ENTPD1: variants seen among roughly 807,000 people sequenced by gnomAD.
ENTPD1 encodes the protein ectonucleoside triphosphate diphosphohydrolase 1, also known as ATP diphosphohydrolase.
In ENTPD1, 33 loss-of-function variants were observed where a neutral mutation model predicts 57.0. The observed-to-expected ratio is 0.58, with a 90% confidence interval of 0.44 to 0.77. The LOEUF is 0.77. Among genes scored for constraint, ENTPD1 ranks in the 30% least tolerant of loss-of-function variants. The pLI, the probability that ENTPD1 is intolerant of heterozygous loss-of-function variation, is 0.00. For missense variants in ENTPD1, 501 were observed against 603.4 expected (o/e 0.83, Z 1.78); for synonymous variants, 202 against 218.8 (o/e 0.92, Z 0.68).
chr10:95,749,992 G>C (rs2098010042), intron 1 of ENTPD1, among the ~76,000 whole-genome samples: 1 of 152,136 alleles, frequency 6.6e-6, no homozygotes, highest in Non-Finnish European at 1.5e-5. Flanking sequence ...GATGTGGCTT[G>C]GATCAGTGTG....
At chr10:95,858,104 C>T (rs868045222) in intron 7 of ENTPD1, among the ~76,000 whole-genome samples, 1 of 151,346 alleles carries the variant, frequency 6.6e-6, no homozygotes, top group Middle Eastern at 3.2e-3. Flanking sequence ...TTGCAGTGAG[C>T]CGAGATCGCG....
At chr10:95,769,105 A>C (rs1171087012) in intron 1 of ENTPD1, among the ~76,000 whole-genome samples, 1 of 152,242 alleles carries the variant, frequency 6.6e-6, no homozygotes, top group Non-Finnish European at 1.5e-5. Context: ...CCAGGAAAGA[A>C]GGCAAAAGTC....
intron 1 of ENTPD1, among the ~76,000 whole-genome samples, chr10:95,816,205 A>G (rs921318783): frequency 2.0e-5 from 3 of 152,114 alleles, no homozygotes; most frequent in East Asian, 1.9e-4. Flanking sequence ...CCAGCTGCCA[A>G]ATTATCATTT....
At chr10:95,864,659 G>A (rs1183087153) in intron 8 of ENTPD1, 65 bp from the exon 9 acceptor site, 11 of 1,607,146 alleles carry the variant, frequency 6.8e-6, no homozygotes, top group Non-Finnish European at 7.7e-6. Flanking sequence ...GGCTAGTAGA[G>A]AAAAAGAGGG....
Position 95,870,046 on chromosome 10 carries a change from G to C in ENTPD1, c.*3663G>C, listed in dbSNP as rs998621677. On this transcript the variant is annotated 3_prime_UTR_variant, in exon 10 of 10. Coordinates refer to ENST00000371205, the MANE Select transcript of ENTPD1 (RefSeq NM_001776.6). ...TTGGGAGGTAGTTTAAAGAGCTATA[G>C]ATGCTGTAACATTCTTGCTATTATT... is the stretch of plus-strand genomic sequence containing the variant. 1.1e-5 allele frequency: 11 copies of C among 985,392 alleles called. No individual in the cohort carries two copies. 61.0% of individuals were successfully genotyped at this position (985,392 alleles called of 1,614,324 possible). A position where few individuals can be genotyped will look rare whatever the true frequency, so the allele number is the denominator to read the frequency against.
At chr10:95,770,363 G>T (rs1205334077) in intron 1 of ENTPD1, among the ~76,000 whole-genome samples, 1 of 151,906 alleles carries the variant, frequency 6.6e-6, no homozygotes, top group Non-Finnish European at 1.5e-5. Context: ...TTTCAACTGG[G>T]TCTAACTGGG....
At chr10:95,770,256 A>T (rs10882662) in intron 1 of ENTPD1, among the ~76,000 whole-genome samples, 39,873 of 134,842 alleles carry the variant, frequency 0.3, 6,304 homozygotes, top group Admixed American at 0.4. Context: ...TGAGTGAGTG[A>T]GTGTGTGTGT....
At chr10:95,721,017 A>G (rs1412918205) in intron 1 of ENTPD1, among the ~76,000 whole-genome samples, 1 of 152,080 alleles carries the variant, frequency 6.6e-6, no homozygotes, top group African/African-American at 2.4e-5. Context: ...GTTTTGCTCC[A>G]TGCCTAAGGC....
In ENTPD1 at chr10:95,868,346, T is replaced by TG. The variant is rs1294498031; in HGVS notation, c.*1965dup. ...ATTCATAGAAAGGGAGGCAGAAAGC[T>TG]GGTCTGTTCCTGATAGGCTTGTAAT... is the stretch of plus-strand genomic sequence containing the variant. On this transcript the variant is annotated 3_prime_UTR_variant, in exon 10 of 10. Transcript: ENST00000371205. The TG allele has an allele frequency of 3.0e-6, 3 of 985,462 alleles. No individual in the cohort carries two copies. The East Asian group carries it at 3.4e-4, about 112-fold the overall frequency. The allele number at this position is 985,462 out of a possible 1,614,324, so 61.0% of individuals were successfully genotyped here. A position where few individuals can be genotyped will look rare whatever the true frequency, so the allele number is the denominator to read the frequency against.
At chr10:95,837,360 G>A (rs1162871624) in intron 2 of ENTPD1, among the ~76,000 whole-genome samples, 1 of 152,200 alleles carries the variant, frequency 6.6e-6, no homozygotes, top group African/African-American at 2.4e-5. Flanking sequence ...TAATTCCTGA[G>A]CCTCTTTCTC....
chr10:95,760,197 A>G (rs551152088), intron 1 of ENTPD1, among the ~76,000 whole-genome samples: 1 of 152,326 alleles, frequency 6.6e-6, no homozygotes, highest in South Asian at 2.1e-4. Context: ...TAATAATACA[A>G]GAGAAAGTGC....
chr10:95,771,022 T>C (rs928670273), intron 1 of ENTPD1, among the ~76,000 whole-genome samples: 4 of 152,178 alleles, frequency 2.6e-5, no homozygotes, highest in African/African-American at 9.6e-5. Context: ...CTTTTTAGTC[T>C]TTCTCTTGTT....
At chr10:95,813,374 G>C (rs74153916) in intron 1 of ENTPD1, among the ~76,000 whole-genome samples, 2,020 of 152,294 alleles carry the variant, frequency 0.013, 43 homozygotes, top group African/African-American at 0.046. Flanking sequence ...GACCTTAGGT[G>C]GAGTTTTTGG....
chr10:95,832,760 T>C (rs2098400293), intron 2 of ENTPD1, among the ~76,000 whole-genome samples: 1 of 152,196 alleles, frequency 6.6e-6, no homozygotes, highest in Non-Finnish European at 1.5e-5. Context: ...AGAAATTCTC[T>C]CTATGCCTCC....
chr10:95,728,270 T>C (rs1027054067), intron 1 of ENTPD1, among the ~76,000 whole-genome samples: 17 of 151,814 alleles, frequency 1.1e-4, no homozygotes, highest in African/African-American at 3.9e-4. Flanking sequence ...ATATTTTGTA[T>C]GTCATATGTA....
intron 1 of ENTPD1, among the ~76,000 whole-genome samples, chr10:95,776,238 A>G (rs1024904161): frequency 2.0e-5 from 3 of 152,140 alleles, no homozygotes; most frequent in Non-Finnish European, 2.9e-5. Context: ...TAGCATCGAC[A>G]GTCTTTACGA....
chr10:95,773,800 G>T (rs1458608352), intron 1 of ENTPD1, among the ~76,000 whole-genome samples: 3 of 152,202 alleles, frequency 2.0e-5, no homozygotes, highest in African/African-American at 7.2e-5. Flanking sequence ...ACATACATGT[G>T]CATGTGTCTT....
chr10:95,764,320 T>G (rs1460097387), intron 1 of ENTPD1, among the ~76,000 whole-genome samples: 1 of 152,240 alleles, frequency 6.6e-6, no homozygotes, highest in East Asian at 1.9e-4. Context: ...GTTTTTACTT[T>G]TTGACATTAT....
chr10:95,721,859 C>T (rs1272047327), intron 1 of ENTPD1, among the ~76,000 whole-genome samples: 1 of 152,158 alleles, frequency 6.6e-6, no homozygotes, highest in Admixed American at 6.5e-5. Context: ...CACCCCTTTT[C>T]CCGCCTTTCT....
Sources: allele counts gnomAD v4.1 joint callset (sites outside exome capture counted in the v4.1 genomes callset), GRCh38; gene constraint gnomAD v4.1.1; transcripts MANE v1.5; gene names NCBI Gene and HGNC (gene_info 2026-07-23, HGNC 2026-07-21).